Variants in DGKB observed in about 807,000 individuals in gnomAD.
DGKB encodes 90 kDa diacylglycerol kinase.
DGKB carries 67 observed loss-of-function variants against 114.3 expected under a neutral mutation model. The observed-to-expected ratio is 0.59, with a 90% CI of 0.48 to 0.72. The LOEUF is 0.72. Ranked by LOEUF, DGKB falls within the 30% of genes least tolerant of loss-of-function variation. DGKB has a pLI of 0.00. For missense variants in DGKB, 907 were observed against 975.2 expected, an observed-to-expected ratio of 0.93 and a Z score of 0.93; for synonymous variants, 398 against 323.1, an observed-to-expected ratio of 1.23 and a Z score of -2.49.
intron 1 of DGKB, among the ~76,000 whole-genome samples, chr7:14,961,158 C>T (rs1453916375): frequency 1.3e-5 from 2 of 151,966 alleles, no homozygotes; most frequent in Non-Finnish European, 2.9e-5. Context: ...TCTATTTCTG[C>T]TTTTTCCTGA....
intron 20 of DGKB, among the ~76,000 whole-genome samples, chr7:14,532,132 T>C (rs1396282649): frequency 6.6e-6 from 1 of 151,292 alleles, no homozygotes; most frequent in Non-Finnish European, 1.5e-5. Flanking sequence ...GAGAAATTCT[T>C]CACGACCTTT....
intron 25 of DGKB, among the ~76,000 whole-genome samples, chr7:14,167,799 G>C (rs1023088653): frequency 3.3e-5 from 5 of 152,136 alleles, no homozygotes; most frequent in African/African-American, 4.8e-5. Flanking sequence ...GAACCTAACA[G>C]AGTCAACTAC....
intron 13 of DGKB, among the ~76,000 whole-genome samples, chr7:14,637,485 G>A (rs946443741): frequency 6.6e-6 from 1 of 151,094 alleles, no homozygotes; most frequent in Non-Finnish European, 1.5e-5. Flanking sequence ...TAAATTATTA[G>A]TCTTTTTTAC....
At chr7:14,776,938 G>A (rs1838292121) in intron 2 of DGKB, among the ~76,000 whole-genome samples, 1 of 152,196 alleles carries the variant, frequency 6.6e-6, no homozygotes, top group East Asian at 1.9e-4. Flanking sequence ...TCAGCCAGGA[G>A]GGAAGCTGTA....
chr7:14,216,593 G>A (rs1788996456), intron 23 of DGKB, among the ~76,000 whole-genome samples: 2 of 151,860 alleles, frequency 1.3e-5, no homozygotes, highest in Non-Finnish European at 2.9e-5. Flanking sequence ...AGGCATAGTG[G>A]TGGGTGCCTG....
rs369072856 is a variant in DGKB, at chr7:14,283,911, A to C, written c.2122+54604T>G. On this transcript the variant is annotated intron_variant, in intron 23 of 25. Coordinates refer to ENST00000402815, the MANE Select transcript of DGKB (RefSeq NM_001350709.2). ...CGTTAGACCTAAAACCATAAAAACC[A>C]TAGAAGAAAACCTAGGCATTACCAT... Among the ~76,000 whole-genome samples, 409 of 151,976 alleles carry C rather than the reference A, an allele frequency of 2.7e-3. 2 individuals carry two copies. The highest frequency in any genetic ancestry group is 8.8e-3 in the African/African-American group (364 of 41,452).
rs754087921 is a variant in DGKB at position 14,958,426 on chromosome 7, A to AACACACACACACACACAC, written c.-188+16252_-188+16269dup. On this transcript the variant is annotated intron_variant, in intron 1 of 4. Coordinates refer to the DGKB transcript ENST00000437998. The stretch of plus-strand genomic sequence containing the variant: ...CAAACCCCACACCAATACCTCTCCC[A>AACACACACACACACACAC]ACACACACACACACACACACACACA... 2.7e-3 allele frequency among the ~76,000 whole-genome samples: 337 copies of AACACACACACACACACAC among 122,848 alleles called. 2 individuals are homozygous for AACACACACACACACACAC. The highest frequency in any genetic ancestry group is 0.01 in the East Asian group (38 of 3,748). The allele number at this position is 122,848 out of a possible 152,430, so 80.6% of individuals were successfully genotyped here. A position where few individuals can be genotyped will look rare whatever the true frequency, so the allele number is the denominator to read the frequency against.
intron 1 of DGKB, among the ~76,000 whole-genome samples, chr7:14,846,828 T>A (rs559586621): frequency 2.6e-5 from 4 of 152,274 alleles, no homozygotes; most frequent in Admixed American, 2.0e-4. Flanking sequence ...TCCCTATAAT[T>A]AGGCGAGAAA....
chr7:14,484,752 T>C (rs890286953), intron 20 of DGKB, among the ~76,000 whole-genome samples: 6 of 152,154 alleles, frequency 3.9e-5, no homozygotes, highest in African/African-American at 1.4e-4. Flanking sequence ...TATTTAAGAT[T>C]GTATGTGCGA....
intron 21 of DGKB, among the ~76,000 whole-genome samples, chr7:14,369,241 G>T (rs1256834531): frequency 6.6e-6 from 1 of 152,048 alleles, no homozygotes; most frequent in African/African-American, 2.4e-5. Flanking sequence ...CCCTGCAAAG[G>T]ACATAAACTC....
At chr7:14,784,273 C>A (rs988855697) in intron 2 of DGKB, among the ~76,000 whole-genome samples, 1 of 151,300 alleles carries the variant, frequency 6.6e-6, no homozygotes, top group Admixed American at 6.6e-5. Context: ...GAGAGAACAA[C>A]ATACATTCTT....
intron 5 of DGKB, among the ~76,000 whole-genome samples, chr7:14,733,663 G>C (rs1210774704): frequency 2.0e-5 from 3 of 151,898 alleles, no homozygotes; most frequent in Non-Finnish European, 4.4e-5. Flanking sequence ...ACTCAAGCCT[G>C]AGACCCTGTG....
chr7:14,189,891 G>A (rs1784052910), intron 23 of DGKB, among the ~76,000 whole-genome samples: 1 of 152,020 alleles, frequency 6.6e-6, no homozygotes, highest in Non-Finnish European at 1.5e-5. Context: ...CAACACAAAA[G>A]CACTCAAATA....
At chr7:14,887,534 C>T (rs972220263) in intron 1 of DGKB, among the ~76,000 whole-genome samples, 9 of 151,722 alleles carry the variant, frequency 5.9e-5, no homozygotes, top group South Asian at 2.1e-4. Context: ...TTTTTGTCTC[C>T]AACAACTCCC....
In DGKB at chr7:14,752,061, C is replaced by T. The variant is rs200501669; in HGVS notation, c.168+1867G>A. 4.6e-5 allele frequency among the ~76,000 whole-genome samples: 7 copies of T among 152,204 alleles called. No homozygotes were observed. The East Asian group carries it at 1.2e-3, about 25-fold the overall frequency. ...TCTCTTCCTTTTATAAGTGAACAAA[C>T]TAAAGATAGAAAACTTGTCCAAGAT... On this transcript the variant is annotated intron_variant, in intron 4 of 25. Transcript: ENST00000402815.
chr7:14,277,588 A>C (rs1799219842), intron 23 of DGKB, among the ~76,000 whole-genome samples: 1 of 152,162 alleles, frequency 6.6e-6, no homozygotes, highest in Non-Finnish European at 1.5e-5. Context: ...GTTGTTACTA[A>C]TGTCAGCGTT....
intron 1 of DGKB, among the ~76,000 whole-genome samples, chr7:14,871,801 G>A (rs773116215): frequency 6.6e-6 from 1 of 152,120 alleles, no homozygotes; most frequent in Non-Finnish European, 1.5e-5. Context: ...TGCTATATAT[G>A]GGGAGGTGTG....
intron 25 of DGKB, among the ~76,000 whole-genome samples, chr7:14,166,733 A>ATGAGTTT (rs1176614607): frequency 6.7e-6 from 1 of 148,708 alleles, no homozygotes; most frequent in East Asian, 1.9e-4. Context: ...CAAACCAGTG[A>ATGAGTTT]TGAGTTTTTA....
intron 25 of DGKB, among the ~76,000 whole-genome samples, chr7:14,175,444 C>G (rs1211870895): frequency 6.6e-6 from 1 of 152,116 alleles, no homozygotes; most frequent in Non-Finnish European, 1.5e-5. Context: ...ACCTCCTGCA[C>G]CCCCAGGAAC....
Sources: gnomAD v4.1 joint callset for allele counts (sites outside exome capture counted in the v4.1 genomes callset) on GRCh38, gnomAD v4.1.1 for gene constraint, MANE v1.5 for transcripts, NCBI Gene and HGNC (gene_info 2026-07-23, HGNC 2026-07-21) for gene names.